N4BP2: variants seen among roughly 807,000 people sequenced by gnomAD.
The protein encoded by N4BP2 is NEDD4 binding protein 2.
In N4BP2, 91 loss-of-function variants were observed where a neutral mutation model predicts 152.8. The ratio of observed to expected loss-of-function variants is 0.60; its 90% CI spans 0.50 to 0.71. The LOEUF is 0.71. Among genes scored for constraint, N4BP2 ranks in the 30% least tolerant of loss-of-function variants. N4BP2 has a pLI of 0.00. For missense variants in N4BP2, 1,923 were observed against 2,059.1 expected, an observed-to-expected ratio of 0.93 and a Z score of 1.28; for synonymous variants, 646 against 705.3, an observed-to-expected ratio of 0.92 and a Z score of 1.33.
At chr4:40,132,027 C>T (rs986919811) in intron 13 of N4BP2, 108 bp downstream of exon 13, 5 of 769,134 alleles carry the variant, frequency 6.5e-6, no homozygotes, top group African/African-American at 5.2e-5. Flanking sequence ...AGTAGTCTCT[C>T]CTAATCTGTG....
At chr4:40,160,221 G>C (rs1005373670), downstream of N4BP2, among the ~76,000 whole-genome samples, 1 of 152,158 alleles carries the variant, frequency 6.6e-6, no homozygotes, top group Non-Finnish European at 1.5e-5. Flanking sequence ...GCTAATGGCA[G>C]GAAGTACATT....
Position 40,102,360 on chromosome 4 carries a change from G to T in N4BP2, c.515G>T (p.Ser172Ile), listed in dbSNP as rs533763285. ...YSFLPSQDVN[S>I]FNDSSEFINP... ...TTTTTGCCTTCACAAGATGTTAATA[G>T]TTTTAATGACTCAAGTGAGTTTATA... The change falls in exon 4 of 18, where the codon AGT (serine) becomes ATT (isoleucine). Residue 172 changes from serine (S) to isoleucine (I), a missense_variant. Ser to Ile is a moderately radical substitution (Grantham distance 142). Coordinates refer to ENST00000261435, the MANE Select transcript of N4BP2 (RefSeq NM_018177.6). 4 of 1,613,190 alleles carry T rather than the reference G, an allele frequency of 2.5e-6. No individual in the cohort carries two copies. The African/African-American group carries it at 5.3e-5, about 22-fold the overall frequency.
chr4:40,178,172 A>G, the N4BP2 span, among the ~76,000 whole-genome samples: 4 of 152,142 alleles, frequency 2.6e-5, no homozygotes, highest in African/African-American at 7.2e-5. Flanking sequence ...AAACAAACAA[A>G]CAAAGAACCC....
At chr4:40,169,956 T>C in the N4BP2 span, among the ~76,000 whole-genome samples, 1 of 118,530 alleles carries the variant, frequency 8.4e-6, no homozygotes, top group African/African-American at 3.3e-5. Flanking sequence ...AGAGCAAGAC[T>C]CAATCTCAAA....
chr4:40,071,019 T>A (rs1310607054), intron 1 of N4BP2, among the ~76,000 whole-genome samples: 4 of 152,040 alleles, frequency 2.6e-5, no homozygotes, highest in Non-Finnish European at 4.4e-5. Context: ...GAGACGGGGT[T>A]TCACCATGTT....
chr4:40,180,464 G>T, the N4BP2 span, among the ~76,000 whole-genome samples: 2 of 152,010 alleles, frequency 1.3e-5, no homozygotes, highest in African/African-American at 4.8e-5. Flanking sequence ...ATCACTGGTG[G>T]ACTTCCCTGG....
At chr4:40,112,734 G>C (rs1351550462) in intron 6 of N4BP2, among the ~76,000 whole-genome samples, 2 of 149,722 alleles carry the variant, frequency 1.3e-5, no homozygotes, top group East Asian at 1.9e-4. Flanking sequence ...ATGGAGTTTT[G>C]CTCTTGTTGC....
intron 2 of N4BP2, among the ~76,000 whole-genome samples, chr4:40,078,491 G>A (rs1308212390): frequency 6.6e-6 from 1 of 151,026 alleles, no homozygotes; most frequent in East Asian, 2.0e-4. Context: ...GCGTATGGTG[G>A]CATAGCAAAC....
chr4:40,120,662 G>A lies in N4BP2; in HGVS notation c.2551G>A (p.Gly851Ser), dbSNP rs777534913. 6.2e-7 allele frequency: 1 copy of A among 1,614,140 alleles called. No individual in the cohort carries two copies. The highest frequency in any genetic ancestry group is 8.5e-7 in the Non-Finnish European group (1 of 1,180,012). ...ATCTCCACATGAAAGTGTAGAGGATGGCAGAAAGTCACAGTGTGATGATGC... is the reference window on the plus strand; with the variant it reads ...ATCTCCACATGAAAGTGTAGAGGATAGCAGAAAGTCACAGTGTGATGATGC... ...RGSPHESVED[G>S]RKSQCDDASE... Residue 851 changes from glycine to serine, a missense_variant, in exon 9 of 18, where the codon GGC becomes AGC. By Grantham distance (56) the Gly-to-Ser change is moderately conservative (BLOSUM62 0). Coordinates refer to ENST00000261435, the MANE Select transcript of N4BP2 (RefSeq NM_018177.6).
At chr4:40,088,060 G>A (rs1042250197) in intron 2 of N4BP2, among the ~76,000 whole-genome samples, 1 of 152,080 alleles carries the variant, frequency 6.6e-6, no homozygotes, top group Non-Finnish European at 1.5e-5. Flanking sequence ...GCCCGGCTAC[G>A]ACTGGCTTTT....
chr4:40,113,470 A>G lies in N4BP2; in HGVS notation c.1626A>G (p.Pro542=). 1 of 1,613,570 alleles carries G rather than the reference A, an allele frequency of 6.2e-7. No individual in the cohort carries two copies. The highest frequency in any genetic ancestry group is 2.2e-5 in the East Asian group (1 of 44,802). Residue 542 remains proline, a synonymous_variant, in exon 7 of 18, where the codon CCA becomes CCG. Coordinates refer to ENST00000261435, the MANE Select transcript of N4BP2 (RefSeq NM_018177.6). ...AATATAAAGTCCTTTTTCGGGAACCAGACACATGGTGGAAGTTTAAACCAA... is the reference window on the plus strand; with the variant it reads ...AATATAAAGTCCTTTTTCGGGAACCGGACACATGGTGGAAGTTTAAACCAA... ...KHKYKVLFRE[P]DTWWKFKPKE...
At chr4:40,069,160 G>T (rs180714412) in intron 1 of N4BP2, among the ~76,000 whole-genome samples, 1 of 151,572 alleles carries the variant, frequency 6.6e-6, no homozygotes, top group Non-Finnish European at 1.5e-5. Flanking sequence ...ATTCCCAGCC[G>T]GGCACAGTGA....
intron 3 of N4BP2, among the ~76,000 whole-genome samples, chr4:40,100,839 TG>T (rs938090457): frequency 6.6e-6 from 1 of 152,226 alleles, no homozygotes; most frequent in African/African-American, 2.4e-5. Flanking sequence ...ATATACCTCA[TG>T]GTAGTATTTG....
At chr4:40,118,387 G>A (rs1717550495) in intron 8 of N4BP2, among the ~76,000 whole-genome samples, 1 of 152,148 alleles carries the variant, frequency 6.6e-6, no homozygotes, top group Non-Finnish European at 1.5e-5. Flanking sequence ...AGCCGAGATT[G>A]CGCCATTGCA....
the N4BP2 span, among the ~76,000 whole-genome samples, chr4:40,176,255 A>G: frequency 3.3e-5 from 5 of 152,212 alleles, no homozygotes; most frequent in Admixed American, 3.3e-4. Flanking sequence ...ATTTTGCAAG[A>G]TAAAAAAGTT....
rs762594799 is a variant in N4BP2 at position 40,103,166 on chromosome 4, G to A, written c.1321G>A (p.Val441Ile). 7.4e-6 allele frequency: 12 copies of A among 1,613,878 alleles called. No homozygotes were observed. The Admixed American group carries it at 1.2e-4, about 16-fold the overall frequency. Residue 441 changes from valine to isoleucine, a missense_variant, in exon 4 of 18, where the codon GTT becomes ATT. Val to Ile is a conservative substitution (Grantham distance 29). Transcript: ENST00000261435. ...AAAGAAGACATCTTACGTTGGACTA[G>A]TTCTTGTTCTTCTCAGAGGTCTTCC... is the stretch of plus-strand genomic sequence containing the variant. ...VRKKTSYVGLVLVLLRGLPGS... is the reference protein window; with the variant it reads ...VRKKTSYVGLILVLLRGLPGS...
Position 40,121,986 on chromosome 4 carries a change from C to G in N4BP2, c.3875C>G (p.Ser1292Cys), listed in dbSNP as rs1560617401. 10 of 1,548,664 alleles carry G rather than the reference C, an allele frequency of 6.5e-6. No homozygotes were observed. The highest frequency in any genetic ancestry group is 7.0e-6 in the Non-Finnish European group (8 of 1,144,034). ...SHFSDIFNFVSSTSNLELNEE... is the reference protein window; with the variant it reads ...SHFSDIFNFVCSTSNLELNEE... ...TTCTCTGATATTTTTAACTTTGTAT[C>G]TAGTACTTCAAATCTTGAATTAAAT... The change falls in exon 9 of 18, where the codon TCT becomes TGT. Residue 1292 changes from serine (S) to cysteine (C), a missense_variant. Ser to Cys is a moderately radical substitution (Grantham distance 112). Transcript: ENST00000261435.
chr4:40,120,445 G>T lies in N4BP2; in HGVS notation c.2334G>T (p.Lys778Asn). The T allele has an allele frequency of 6.2e-7, 1 of 1,613,880 alleles. No homozygotes were observed. The highest frequency in any genetic ancestry group is 8.5e-7 in the Non-Finnish European group (1 of 1,180,020). The change falls in exon 9 of 18, where the codon AAG becomes AAT. Residue 778 changes from lysine to asparagine, a missense_variant. By Grantham distance (94) the Lys-to-Asn change is moderately conservative. Coordinates refer to ENST00000261435, the MANE Select transcript of N4BP2 (RefSeq NM_018177.6). ...AAAAAAGCAAATCGACTTTGGAAAA[G>T]TTCCCAAGACATGAGCTATCAAATT... ...GKQKSKSTLEKFPRHELSNFV... is the reference protein window; with the variant it reads ...GKQKSKSTLENFPRHELSNFV...
chr4:40,189,734 C>A, the N4BP2 span, among the ~76,000 whole-genome samples: 8 of 151,972 alleles, frequency 5.3e-5, no homozygotes, highest in Non-Finnish European at 1.0e-4. This position sits in a 1 kb window ranked among gnomAD's most constrained non-coding sequence, Gnocchi z 4.3. Context: ...ACTAAAAATA[C>A]AAAAATTAGC....
Sources: gnomAD v4.1 joint callset for allele counts (sites outside exome capture counted in the v4.1 genomes callset) on GRCh38, gnomAD v4.1.1 for gene constraint, Gnocchi (gnomAD v3.1) non-coding constraint, MANE v1.5 for transcripts, NCBI Gene and HGNC (gene_info 2026-07-23, HGNC 2026-07-21) for gene names.